MMP26: variants seen among roughly 807,000 people sequenced by gnomAD.
The protein encoded by MMP26 is matrix metallopeptidase 26.
A neutral mutation model predicts 31.0 loss-of-function variants in MMP26; 33 were observed. The ratio of observed to expected loss-of-function variants is 1.06; its 90% confidence interval spans 0.81 to 1.42. The LOEUF (loss-of-function observed/expected upper bound fraction) is 1.42, where lower values mean the gene tolerates loss of function less well. Ranked by LOEUF, MMP26 falls within the 40% of genes most tolerant of loss-of-function variation. The pLI is 0.00. For synonymous variants in MMP26, 122 were observed against 114.9 expected (o/e 1.06, Z -0.40); for missense variants, 347 against 316.1 (o/e 1.10, Z -0.74).
rs565332037 is a variant in MMP26 at position 4,728,211 on chromosome 11, G to A, written c.-217+23166G>A. ...GAAAGGACCTGAGTAATTTAACATAGGGAAATGGTTCCTTGTTAAACATTA... is the reference window on the plus strand; with the variant it reads ...GAAAGGACCTGAGTAATTTAACATAAGGAAATGGTTCCTTGTTAAACATTA... On this transcript the variant is annotated intron_variant, in intron 1 of 7. Coordinates refer to ENST00000380390, the MANE Select transcript of MMP26 (RefSeq NM_021801.5). Among the ~76,000 whole-genome samples the A allele has an allele frequency of 8.5e-5, 13 of 152,292 alleles. No homozygotes were observed. The South Asian group carries it at 2.3e-3, about 27-fold the overall frequency.
chr11:4,982,494 G>T (rs1295375208), intron 2 of MMP26, among the ~76,000 whole-genome samples: 1 of 152,126 alleles, frequency 6.6e-6, no homozygotes, highest in Non-Finnish European at 1.5e-5. Context: ...TCTGGCAATT[G>T]TAAAGTCTCT....
rs74052692 is a variant in MMP26, at chr11:4,955,033, C to T, written c.-144-33035C>T. 23 of 1,448,464 alleles carry T rather than the reference C, an allele frequency of 1.6e-5. 7 individuals carry two copies. Among genetic ancestry groups the T allele is most frequent in the East Asian group, 1.3e-4 (5 of 38,568 alleles). The allele number at this position is 1,448,464 out of a possible 1,614,324, so 89.7% of individuals were successfully genotyped here. A position where few individuals can be genotyped will look rare whatever the true frequency, so the allele number is the denominator to read the frequency against. On this transcript the variant is annotated intron_variant, in intron 2 of 7. Transcript: ENST00000380390. ...GCTCCTCCTTTTTGGATGCAATTCC[C>T]GGTACAGTCTTGAGGATCAGGGTGT...
chr11:4,882,744 A>G, intron 2 of MMP26: 1 of 1,613,808 alleles, frequency 6.2e-7, no homozygotes, highest in South Asian at 1.1e-5. Flanking sequence ...GCCAATATTT[A>G]TCTGCTCTTA....
chr11:4,957,852 G>T (rs1177077257), intron 2 of MMP26, among the ~76,000 whole-genome samples: 1 of 151,872 alleles, frequency 6.6e-6, no homozygotes, highest in South Asian at 2.1e-4. Context: ...TAATTTTTTT[G>T]TATTTTTAGT....
At chr11:4,885,604 T>C (rs962987418) in intron 2 of MMP26, among the ~76,000 whole-genome samples, 77 of 152,266 alleles carry the variant, frequency 5.1e-4, no homozygotes, top group African/African-American at 1.7e-3. Context: ...ATACGCTATA[T>C]GATAGTCACG....
intron 2 of MMP26, among the ~76,000 whole-genome samples, chr11:4,984,367 A>T (rs75891928): frequency 1.1e-3 from 168 of 152,348 alleles, no homozygotes; most frequent in African/African-American, 3.4e-3. Context: ...AGTTGTGTTG[A>T]TGAAGAAAGT....
At chr11:4,731,237 C>T (rs1342167906) in intron 1 of MMP26, among the ~76,000 whole-genome samples, 1 of 152,134 alleles carries the variant, frequency 6.6e-6, no homozygotes, top group African/African-American at 2.4e-5. Flanking sequence ...CTGTGCCTGG[C>T]CAGATGCACT....
chr11:4,733,702 C>T (rs994056999), intron 1 of MMP26, among the ~76,000 whole-genome samples: 2 of 152,200 alleles, frequency 1.3e-5, no homozygotes, highest in African/African-American at 2.4e-5. Flanking sequence ...TGGCTAGAAC[C>T]TCCAGGGCAA....
At chr11:4,875,202 C>G (rs1248507439) in intron 2 of MMP26, 2 of 152,028 alleles carry the variant, frequency 1.3e-5, no homozygotes, top group Admixed American at 6.6e-5. Flanking sequence ...TTTCTAGATG[C>G]AGCTTAGGAC....
At chr11:4,848,994 A>G (rs1849930492) in intron 2 of MMP26, 3 of 1,614,138 alleles carry the variant, frequency 1.9e-6, no homozygotes, top group East Asian at 2.2e-5. Flanking sequence ...ACTAAGCAAG[A>G]AGAGGAAGAA....
At chr11:4,804,751 C>A (rs906270382) in intron 2 of MMP26, 2 of 355,862 alleles carry the variant, frequency 5.6e-6, no homozygotes, top group East Asian at 7.3e-5. Flanking sequence ...TCAAGACCAG[C>A]CTGGCTGACA....
At chr11:4,885,850 C>G (rs1198034047) in intron 2 of MMP26, among the ~76,000 whole-genome samples, 1 of 152,056 alleles carries the variant, frequency 6.6e-6, no homozygotes, top group Non-Finnish European at 1.5e-5. Context: ...CTTTCATTAT[C>G]CATCAAAATA....
chr11:4,756,576 T>C (rs905572920), intron 1 of MMP26: 13 of 152,000 alleles, frequency 8.6e-5, no homozygotes, highest in African/African-American at 2.9e-4. Context: ...ATTAAAATAT[T>C]AAAAAAGTCC....
At chr11:4,809,283 C>T (rs1323092828) in intron 2 of MMP26, among the ~76,000 whole-genome samples, 1 of 152,104 alleles carries the variant, frequency 6.6e-6, no homozygotes, top group Non-Finnish European at 1.5e-5. Context: ...ACACGTTTAA[C>T]GTCAGATTTA....
chr11:4,748,915 T>C (rs1441873263), intron 1 of MMP26, among the ~76,000 whole-genome samples: 4 of 152,010 alleles, frequency 2.6e-5, no homozygotes, highest in Non-Finnish European at 5.9e-5. Context: ...ACCACTTTTA[T>C]TCAAAATAGT....
At chr11:4,748,060 C>T (rs1589889859) in intron 1 of MMP26, among the ~76,000 whole-genome samples, 1 of 151,486 alleles carries the variant, frequency 6.6e-6, no homozygotes, top group East Asian at 1.9e-4. Flanking sequence ...CTAGACTAAC[C>T]AACAAAAGAA....
In MMP26 at chr11:4,901,302, G is replaced by T. The variant is rs112902560; in HGVS notation, c.-144-86766G>T. 6.9e-3 allele frequency among the ~76,000 whole-genome samples: 1,043 copies of T among 151,978 alleles called. 4 individuals carry two copies. The highest frequency in any genetic ancestry group is 0.024 in the African/African-American group (1,009 of 41,428). ...AGCCTCCTGAGTAGCTGAGACTACAGGTGCCTGCCACCACACCTGGCTAAT... is the reference window on the plus strand; with the variant it reads ...AGCCTCCTGAGTAGCTGAGACTACATGTGCCTGCCACCACACCTGGCTAAT... On this transcript the variant is annotated intron_variant, in intron 2 of 7. Coordinates refer to ENST00000380390, the MANE Select transcript of MMP26 (RefSeq NM_021801.5).
chr11:4,831,781 C>T (rs1279522776), intron 2 of MMP26, among the ~76,000 whole-genome samples: 2 of 152,142 alleles, frequency 1.3e-5, no homozygotes, highest in African/African-American at 4.8e-5. Context: ...ACACATTCCA[C>T]TTAGTTTAAT....
At chr11:4,914,258 C>A in intron 2 of MMP26, 1 of 158,374 alleles carries the variant, frequency 6.3e-6, no homozygotes, top group South Asian at 1.9e-4. Flanking sequence ...GTCGCCTGGG[C>A]TTCCTCTTAG....
Sources: allele counts gnomAD v4.1 joint callset (sites outside exome capture counted in the v4.1 genomes callset), GRCh38; gene constraint gnomAD v4.1.1; transcripts MANE v1.5; gene names NCBI Gene and HGNC (gene_info 2026-07-23, HGNC 2026-07-21).